The following TRDN variants were observed in gnomAD, a reference collection of about 807,000 sequenced individuals.
TRDN encodes the protein triadin in skeletal muscle.
TRDN carries 161 observed loss-of-function variants against 149.7 expected under a neutral mutation model. The ratio of observed to expected loss-of-function variants is 1.08; its 90% CI spans 0.95 to 1.23. The LOEUF is 1.23. Ranked by LOEUF, TRDN falls within the 50% of genes most tolerant of loss-of-function variation. The pLI is 0.00. For synonymous variants in TRDN, 294 were observed against 250.5 expected, an observed-to-expected ratio of 1.17 and a Z score of -1.64; for missense variants, 896 against 823.5, an observed-to-expected ratio of 1.09 and a Z score of -1.08.
chr6:123,352,579 A>G lies in TRDN; in HGVS notation c.1329T>C (p.Pro443=), dbSNP rs2114299916. 1 of 1,610,522 alleles carries G rather than the reference A, an allele frequency of 6.2e-7. No homozygotes were observed. Among genetic ancestry groups the G allele is most frequent in the Non-Finnish European group, 8.5e-7 (1 of 1,178,140 alleles). ...TGGTTGTTTTCTCTTCCTTCTTTCC[A>G]GGTACAGCTGCAAAACAAAGATAAG... ...IGAVSIKKAV[P]GKKEEKTTKT... The change falls in exon 21 of 41, where the codon CCT becomes CCC. Residue 443 remains proline, a synonymous_variant. Transcript: ENST00000334268.
intron 5 of TRDN, chr6:123,529,344 G>A (rs1329005574): frequency 2.6e-6 from 4 of 1,548,184 alleles, no homozygotes; most frequent in African/African-American, 1.4e-5. Flanking sequence ...ACAGTAAGGA[G>A]ACATTAGTTT....
At position 123,503,767 on chromosome 6, in the gene TRDN, C is replaced by CTTTGGGT. The variant is rs1274183252; in HGVS notation, c.738_744dup (p.Glu249ThrfsTer16). 6.2e-7 allele frequency: 1 copy of CTTTGGGT among 1,613,638 alleles called. No homozygotes were observed. Among genetic ancestry groups the CTTTGGGT allele is most frequent in the East Asian group, 2.2e-5 (1 of 44,816 alleles). ...GCTGCTTTCTCTTTGTCCTCCTTTT[C>CTTTGGGT]TTTGGGTTTTGATGGTGTTTTCTGT... On this transcript the variant is annotated frameshift_variant, in exon 8 of 41. Transcript: ENST00000334268. LOFTEE classifies it high-confidence loss of function.
At chr6:123,469,773 G>A (rs1405152355) in intron 9 of TRDN, 1 of 153,298 alleles carries the variant, frequency 6.5e-6, no homozygotes, top group East Asian at 1.9e-4. Context: ...GAAAGGCAGA[G>A]AATGGAAAAC....
intron 1 of TRDN, among the ~76,000 whole-genome samples, chr6:123,595,149 G>A (rs1043079702): frequency 2.6e-5 from 4 of 151,984 alleles, no homozygotes; most frequent in African/African-American, 9.7e-5. Flanking sequence ...TTTAAACTGA[G>A]AATAATCTAT....
rs146907230 is a variant in TRDN at position 123,594,555 on chromosome 6, C to A, written c.23-23423G>T. Among the ~76,000 whole-genome samples the A allele has an allele frequency of 7.9e-3, 1,203 of 151,632 alleles. 28 individuals are homozygous for A. The highest frequency in any genetic ancestry group is 0.027 in the African/African-American group (1,129 of 41,396). Reference sequence around the variant, plus strand: ...AGGAAACCCACTTTCTTCACTTATCCCAGAAAAAGAAAATTTTTATCTAAT... The same window carrying A: ...AGGAAACCCACTTTCTTCACTTATCACAGAAAAAGAAAATTTTTATCTAAT... On this transcript the variant is annotated intron_variant, in intron 1 of 40. Coordinates refer to ENST00000334268, the MANE Select transcript of TRDN (RefSeq NM_006073.4).
At chr6:123,556,252 C>T (rs921509210) in intron 2 of TRDN, among the ~76,000 whole-genome samples, 11 of 151,914 alleles carry the variant, frequency 7.2e-5, no homozygotes, top group African/African-American at 1.9e-4. Context: ...AAAAATAGAA[C>T]ATTTAAATAG....
intron 36 of TRDN, 83 bp from the exon 37 acceptor site, chr6:123,255,208 G>T (rs1360700354): frequency 6.5e-6 from 4 of 613,084 alleles, no homozygotes; most frequent in East Asian, 3.3e-5. Context: ...CAACGAATGA[G>T]GATAATTTAA....
intron 1 of TRDN, among the ~76,000 whole-genome samples, chr6:123,586,596 G>C (rs1181861528): frequency 6.6e-6 from 1 of 152,142 alleles, no homozygotes; most frequent in Non-Finnish European, 1.5e-5. Flanking sequence ...GCCGTTTTCT[G>C]GCTATTTGGA....
At chr6:123,393,703 C>A (rs369434814) in intron 12 of TRDN, 26 bp from the exon 13 acceptor site, 1 of 1,585,710 alleles carries the variant, frequency 6.3e-7, no homozygotes, top group Non-Finnish European at 8.6e-7. Flanking sequence ...ACATAAATTA[C>A]CATGAAGTAT....
intron 1 of TRDN, among the ~76,000 whole-genome samples, chr6:123,634,940 C>A (rs1322736743): frequency 6.6e-6 from 1 of 151,830 alleles, no homozygotes; most frequent in Non-Finnish European, 1.5e-5. Flanking sequence ...TTTTAAACCC[C>A]CGCAGAGCAA....
chr6:123,412,000 T>C (rs767822156), intron 12 of TRDN: 2 of 152,204 alleles, frequency 1.3e-5, no homozygotes, highest in Non-Finnish European at 2.9e-5. Flanking sequence ...TGAGACCAGA[T>C]AGTTAAATTT....
At chr6:123,385,700 T>C (rs1399927435) in intron 14 of TRDN, among the ~76,000 whole-genome samples, 1 of 152,180 alleles carries the variant, frequency 6.6e-6, no homozygotes, top group East Asian at 1.9e-4. Context: ...TAGTAAAAAA[T>C]AAATCTCATA....
intron 22 of TRDN, 42 bp from the exon 23 acceptor site, chr6:123,331,971 G>T: frequency 7.0e-7 from 1 of 1,423,152 alleles, no homozygotes. Flanking sequence ...CCAAGACAAA[G>T]AGATTTTCAG....
chr6:123,321,991 T>C (rs558968849), intron 23 of TRDN, among the ~76,000 whole-genome samples: 5 of 152,320 alleles, frequency 3.3e-5, no homozygotes, highest in African/African-American at 9.6e-5. Context: ...CAGCATCTGC[T>C]ACTACATAGC....
In TRDN at chr6:123,446,456, G is replaced by A. The variant is rs540980531; in HGVS notation, c.932-7453C>T. 1.1e-4 allele frequency among the ~76,000 whole-genome samples: 17 copies of A among 151,886 alleles called. 1 individual carries two copies. The highest frequency in any genetic ancestry group is 3.4e-3 in the Middle Eastern group (1 of 294). On this transcript the variant is annotated intron_variant, in intron 10 of 40. Transcript: ENST00000334268. ...AATTAGCCAGGTGGCGTGGTGGTGG[G>A]CACCTGTAGCCCCAGCTGCTCCGGA...
At chr6:123,431,175 C>G (rs1774326315) in intron 12 of TRDN, among the ~76,000 whole-genome samples, 1 of 152,240 alleles carries the variant, frequency 6.6e-6, no homozygotes, top group Non-Finnish European at 1.5e-5. Flanking sequence ...AGATTTACAA[C>G]CTAATCTGTT....
At position 123,559,203 on chromosome 6, in the gene TRDN, A is replaced by T. The variant is rs533045460; in HGVS notation, c.233-10591T>A. Among the ~76,000 whole-genome samples, 71 of 152,056 alleles carry T rather than the reference A, an allele frequency of 4.7e-4. 1 individual carries two copies. Among genetic ancestry groups the T allele is most frequent in the Admixed American group, 1.4e-3 (21 of 15,262 alleles). The stretch of plus-strand genomic sequence containing the variant: ...GTGAGTCTGTCCCCTTCTTAATCAA[A>T]ATGAAAGCCACCCACTCCACATTAC... On this transcript the variant is annotated intron_variant, in intron 2 of 40. Transcript: ENST00000334268.
At chr6:123,400,641 G>A (rs987516808) in intron 12 of TRDN, among the ~76,000 whole-genome samples, 2 of 152,216 alleles carry the variant, frequency 1.3e-5, no homozygotes, top group Non-Finnish European at 1.5e-5. Context: ...CCAGTACCAG[G>A]GTTTGGGGAC....
At chr6:123,439,269 A>T (rs1774746256) in intron 10 of TRDN, among the ~76,000 whole-genome samples, 1 of 152,214 alleles carries the variant, frequency 6.6e-6, no homozygotes, top group South Asian at 2.1e-4. Context: ...TTTACAAATA[A>T]TGAATGTGAT....
Sources: gnomAD v4.1 joint callset for allele counts (sites outside exome capture counted in the v4.1 genomes callset) on GRCh38, gnomAD v4.1.1 for gene constraint, MANE v1.5 for transcripts, NCBI Gene and HGNC (gene_info 2026-07-23, HGNC 2026-07-21) for gene names.